The following BBOF1 variants were observed in gnomAD, a reference collection of about 807,000 sequenced individuals.
BBOF1 encodes the protein basal body-orientation factor 1.
A neutral mutation model predicts 68.0 loss-of-function variants in BBOF1; 62 were observed. That is an observed-to-expected ratio of 0.91 (90% CI 0.74 to 1.13). The LOEUF (loss-of-function observed/expected upper bound fraction) is 1.13. Ranked by LOEUF, BBOF1 falls within the 50% of genes most tolerant of loss-of-function variation. The pLI is 0.00. For synonymous variants in BBOF1, 208 were observed against 198.8 expected, an observed-to-expected ratio of 1.05 and a Z score of -0.39; for missense variants, 534 against 600.1, an observed-to-expected ratio of 0.89 and a Z score of 1.15.
At chr14:74,079,342 G>A (rs900576490) in intron 10 of BBOF1, among the ~76,000 whole-genome samples, 3 of 151,744 alleles carry the variant, frequency 2.0e-5, no homozygotes, top group Non-Finnish European at 4.4e-5. Context: ...CACCTCCCGG[G>A]TTCAGGCGAT....
intron 9 of BBOF1, chr14:74,072,613 TG>T: frequency 6.2e-7 from 1 of 1,612,460 alleles, no homozygotes; most frequent in South Asian, 1.1e-5. Flanking sequence ...TACAGTTGGC[TG>T]AAAAAAACAA....
intron 3 of BBOF1, among the ~76,000 whole-genome samples, chr14:74,030,937 T>G (rs201753139): frequency 0.34 from 48,977 of 146,096 alleles, 9,633 homozygotes; most frequent in African/African-American, 0.55. Context: ...TATATATATA[T>G]ATAGAGAGAG....
rs1222470249 is a variant in BBOF1 at position 74,049,776 on chromosome 14, G to T, written c.867G>T (p.Gln289His). 2 of 1,614,138 alleles carry T rather than the reference G, an allele frequency of 1.2e-6. No individual in the cohort carries two copies. The highest frequency in any genetic ancestry group is 1.7e-6 in the Non-Finnish European group (2 of 1,179,998). The change falls in exon 8 of 12, where the codon CAG becomes CAT. Residue 289 changes from glutamine (Q) to histidine (H), a missense_variant. Transcript: ENST00000394009. ...VQQRSQIQTL[Q>H]KKVVNLETAL... ...AGAGATCACAAATCCAAACCCTTCAGAAGAAGGTAGTAAACTTGGAGACTG... is the reference window on the plus strand; with the variant it reads ...AGAGATCACAAATCCAAACCCTTCATAAGAAGGTAGTAAACTTGGAGACTG...
chr14:74,022,801 G>A (rs2059332639), intron 1 of BBOF1, 115 bp from the exon 2 acceptor site: 2 of 440,984 alleles, frequency 4.5e-6, no homozygotes, highest in Non-Finnish European at 7.9e-6. Context: ...GCAATGCCAA[G>A]CAAAACAAAT....
At chr14:74,072,617 A>G in intron 9 of BBOF1, 5 of 1,611,584 alleles carry the variant, frequency 3.1e-6, no homozygotes, top group Non-Finnish European at 4.2e-6. Flanking sequence ...GTTGGCTGAA[A>G]AAAACAAACA....
chr14:74,028,467 T>TAC (rs34677110), intron 2 of BBOF1, among the ~76,000 whole-genome samples: 16,447 of 138,036 alleles, frequency 0.12, 1,066 homozygotes, highest in African/African-American at 0.19. Context: ...ACTAAAGAAA[T>TAC]ACACACACAC....
chr14:74,062,514 T>C (rs923726818), intron 11 of BBOF1, among the ~76,000 whole-genome samples: 1 of 152,040 alleles, frequency 6.6e-6, no homozygotes, highest in African/African-American at 2.4e-5. Context: ...GATACGAGAA[T>C]TGCTTGAACC....
intron 2 of BBOF1, among the ~76,000 whole-genome samples, chr14:74,027,379 G>A (rs531085034): frequency 9.1e-5 from 11 of 121,032 alleles, no homozygotes; most frequent in Admixed American, 1.8e-4. Context: ...GAGCCACCTC[G>A]CCCAGCTTTT....
At position 74,065,584 on chromosome 14, in the gene BBOF1, A is replaced by G. The variant is rs185475370; in HGVS notation, c.*885A>G. The G allele has an allele frequency of 3.7e-6, 2 of 546,094 alleles. No individual in the cohort carries two copies. Among genetic ancestry groups the G allele is most frequent in the Non-Finnish European group, 3.3e-6 (1 of 305,408 alleles). 33.8% of individuals were successfully genotyped at this position (546,094 alleles called of 1,614,324 possible). Reference sequence around the variant, plus strand: ...AAACAACTTGGAATTCCTATCAACAATAACCACACTTCCTTTAAGGGACTG... The same window carrying G: ...AAACAACTTGGAATTCCTATCAACAGTAACCACACTTCCTTTAAGGGACTG... On this transcript the variant is annotated 3_prime_UTR_variant, in exon 12 of 12. Coordinates refer to ENST00000394009, the MANE Select transcript of BBOF1 (RefSeq NM_025057.3).
chr14:74,051,629 A>G (rs932764757), intron 8 of BBOF1, among the ~76,000 whole-genome samples: 2 of 151,804 alleles, frequency 1.3e-5, no homozygotes, highest in Admixed American at 6.6e-5. Flanking sequence ...CATAATGATT[A>G]ACTTTGTTTC....
intron 9 of BBOF1, chr14:74,075,094 G>A (rs2060597482): frequency 3.9e-6 from 5 of 1,291,202 alleles, no homozygotes; most frequent in Non-Finnish European, 5.6e-6. Context: ...GCTACTATAT[G>A]CTATTTGCTA....
intron 3 of BBOF1, among the ~76,000 whole-genome samples, chr14:74,030,122 A>G (rs1043169430): frequency 6.6e-6 from 1 of 152,214 alleles, no homozygotes; most frequent in Non-Finnish European, 1.5e-5. Flanking sequence ...CTTAAGAACC[A>G]TTTGAAATTC....
At chr14:74,064,476 G>A (rs560563012) in intron 11 of BBOF1, among the ~76,000 whole-genome samples, 36 of 152,154 alleles carry the variant, frequency 2.4e-4, no homozygotes, top group Non-Finnish European at 4.3e-4. Flanking sequence ...GAGATTTTCT[G>A]GAGGAGCTCA....
chr14:74,038,846 A>T (rs995861328), intron 4 of BBOF1, among the ~76,000 whole-genome samples: 4 of 152,086 alleles, frequency 2.6e-5, no homozygotes, highest in African/African-American at 9.7e-5. Context: ...TCTACAAAAA[A>T]ATCACTTCAC....
chr14:74,034,084 C>A lies in BBOF1; in HGVS notation c.408C>A (p.Ala136=). 2 of 1,607,292 alleles carry A rather than the reference C, an allele frequency of 1.2e-6. No individual in the cohort carries two copies. Among genetic ancestry groups the A allele is most frequent in the Admixed American group, 1.7e-5 (1 of 59,004 alleles). The change falls in exon 4 of 12, where the codon GCC becomes GCA. Residue 136 remains alanine (A), a synonymous_variant. Transcript: ENST00000394009. The part of the protein sequence containing the change: ...NELEGQFHQK[A]KEIGMIHTEL... Reference sequence around the variant, plus strand: ...TAGAGGGACAGTTCCATCAAAAAGCCAAAGAAATTGGCATGATTCACACAG... The same window carrying A: ...TAGAGGGACAGTTCCATCAAAAAGCAAAAGAAATTGGCATGATTCACACAG...
chr14:74,028,294 A>G (rs945504456), intron 2 of BBOF1, among the ~76,000 whole-genome samples: 6 of 152,112 alleles, frequency 3.9e-5, no homozygotes, highest in African/African-American at 1.4e-4. Context: ...GCTTTAGCCC[A>G]GGAGGCATAG....
In BBOF1 at chr14:74,049,972, G is replaced by A; in HGVS notation, c.1063G>A (p.Glu355Lys). ...GAAGCTGGCCAAGAACATACTGGAT[G>A]AGAGAACAGAAGTGGAAAGATTCTT... ...VKKLAKNILD[E>K]RTEVERFFLD... Residue 355 changes from glutamate (E) to lysine (K), a missense_variant, in exon 8 of 12, where the codon GAG becomes AAG. By Grantham distance (56) the Glu-to-Lys change is moderately conservative (BLOSUM62 1). Transcript: ENST00000394009. The A allele has an allele frequency of 6.2e-7, 1 of 1,614,188 alleles. No homozygotes were observed. The highest frequency in any genetic ancestry group is 8.5e-7 in the Non-Finnish European group (1 of 1,180,046).
At chr14:74,020,762 C>G (rs976886747) in intron 1 of BBOF1, among the ~76,000 whole-genome samples, 2 of 152,160 alleles carry the variant, frequency 1.3e-5, no homozygotes, top group African/African-American at 4.8e-5. Context: ...CCTCGGCCTC[C>G]CAAAGTGCTG....
At chr14:74,080,768 T>A (rs1163498888) in intron 10 of BBOF1, among the ~76,000 whole-genome samples, 1 of 152,152 alleles carries the variant, frequency 6.6e-6, no homozygotes, top group African/African-American at 2.4e-5. Context: ...TGAATCTAGT[T>A]TCCATCCCAT....
Sources: gnomAD v4.1 joint callset for allele counts (sites outside exome capture counted in the v4.1 genomes callset) on GRCh38, gnomAD v4.1.1 for gene constraint, MANE v1.5 for transcripts, NCBI Gene and HGNC (gene_info 2026-07-23, HGNC 2026-07-21) for gene names.